Variants in MTG2 observed in about 807,000 individuals in gnomAD.
MTG2 encodes mitochondrial ribosome associated GTPase 2.
A neutral mutation model predicts 28.6 loss-of-function variants in MTG2; 23 were observed. The observed-to-expected ratio is 0.80, with a 90% CI of 0.58 to 1.14. MTG2 has a LOEUF of 1.14. Ranked by LOEUF, MTG2 falls within the 50% of genes most tolerant of loss-of-function variation. The probability of loss-of-function intolerance (pLI) is 0.00; values close to 1 mark genes in which losing one functional copy is unlikely to be tolerated. For missense variants in MTG2, 539 were observed against 552.0 expected, an observed-to-expected ratio of 0.98 and a Z score of 0.24; for synonymous variants, 260 against 251.8, an observed-to-expected ratio of 1.03 and a Z score of -0.31.
rs2058167222 is a variant in MTG2, at chr20:62,201,348, G to T, written c.*271G>T. ...GTGCTGATTAACACCCCTAATAAGG[G>T]GTTGGGGTGCCCATAACGGGGTGGC... On this transcript the variant is annotated 3_prime_UTR_variant, in exon 7 of 7. Transcript: ENST00000370823. 1 of 487,674 alleles carries T rather than the reference G, an allele frequency of 2.1e-6. No homozygotes were observed. The highest frequency in any genetic ancestry group is 1.9e-5 in the African/African-American group (1 of 51,420). 30.2% of individuals were successfully genotyped at this position (487,674 alleles called of 1,614,324 possible).
At chr20:62,187,046 C>T (rs1315373786) in intron 1 of MTG2, among the ~76,000 whole-genome samples, 2 of 152,184 alleles carry the variant, frequency 1.3e-5, no homozygotes, top group African/African-American at 4.8e-5. Context: ...GTGCCCTTAT[C>T]AGGGCGAAGA....
Position 62,201,300 on chromosome 20 carries a change from A to C in MTG2, c.*223A>C. 1.7e-6 allele frequency: 1 copy of C among 590,260 alleles called. No individual in the cohort carries two copies. The highest frequency in any genetic ancestry group is 4.5e-4 in the Middle Eastern group (1 of 2,210). 36.6% of individuals were successfully genotyped at this position (590,260 alleles called of 1,614,324 possible). On this transcript the variant is annotated 3_prime_UTR_variant, in exon 7 of 7. Transcript: ENST00000370823. ...TTCCTGCACCTGTCAGCCTGCACCG[A>C]CTGATGAGCCAGTTGCTCATTTGTG... is the stretch of plus-strand genomic sequence containing the variant.
intron 3 of MTG2, chr20:62,197,193 T>TC (rs1422307043): frequency 6.6e-6 from 1 of 151,592 alleles, no homozygotes; most frequent in African/African-American, 2.4e-5. Flanking sequence ...GGTCAGGAGT[T>TC]CAAGACCAGC....
Position 62,200,772 on chromosome 20 carries a change from C to T in MTG2, c.916C>T (p.Leu306Phe). ...FLRHIERCRF[L>F]LFVVDLSQPE... ...CAGGCACATCGAGCGCTGCCGCTTT[C>T]TCTTGTTCGTGGTGGATCTTTCTCA... is the stretch of plus-strand genomic sequence containing the variant. The change falls in exon 7 of 7, where the codon CTC (leucine) becomes TTC (phenylalanine). Residue 306 changes from leucine (L) to phenylalanine (F), a missense_variant. Coordinates refer to ENST00000370823, the MANE Select transcript of MTG2 (RefSeq NM_015666.4). 1 of 1,613,866 alleles carries T rather than the reference C, an allele frequency of 6.2e-7. No individual in the cohort carries two copies. Among genetic ancestry groups the T allele is most frequent in the African/African-American group, 1.3e-5 (1 of 75,072 alleles).
At chr20:62,190,693 T>C (rs577073278) in intron 1 of MTG2, among the ~76,000 whole-genome samples, 1 of 152,356 alleles carries the variant, frequency 6.6e-6, no homozygotes, top group Admixed American at 6.5e-5. Flanking sequence ...AAGGACGCTC[T>C]TGGGAAACTG....
At chr20:62,189,819 C>T (rs1394468312) in intron 1 of MTG2, among the ~76,000 whole-genome samples, 1 of 152,112 alleles carries the variant, frequency 6.6e-6, no homozygotes, top group Admixed American at 6.5e-5. Flanking sequence ...CACACGCCAC[C>T]ATGCCCAGCT....
chr20:62,199,240 G>T lies in MTG2; in HGVS notation c.809G>T (p.Gly270Val), dbSNP rs148121446. Reference sequence around the variant, plus strand: ...CACGTCGGGATCGTCCACTACGAAGGCCACCTACAAATAGCAGGTAGAACT... The same window carrying T: ...CACGTCGGGATCGTCCACTACGAAGTCCACCTACAAATAGCAGGTAGAACT... ...KPHVGIVHYE[G>V]HLQIAVADIP... Residue 270 changes from glycine (G) to valine (V), a missense_variant, in exon 6 of 7, where the codon GGC (glycine) becomes GTC (valine). Transcript: ENST00000370823. 2.5e-6 allele frequency: 4 copies of T among 1,613,306 alleles called. No homozygotes were observed. In the African/African-American group the frequency reaches 5.3e-5, roughly 22 times the overall value.
At chr20:62,199,000 A>G (rs996579289) in intron 5 of MTG2, 119 bp from the exon 6 acceptor site, 31 of 1,552,062 alleles carry the variant, frequency 2.0e-5, no homozygotes, top group Middle Eastern at 1.7e-4. Flanking sequence ...GGTCGTGAGC[A>G]TGAGCCCTTG....
intron 1 of MTG2, among the ~76,000 whole-genome samples, chr20:62,192,245 C>T (rs1180690317): frequency 6.6e-6 from 1 of 152,172 alleles, no homozygotes; most frequent in Non-Finnish European, 1.5e-5. Flanking sequence ...TTCCTACGAC[C>T]CCTTCAGGTT....
Position 62,202,014 on chromosome 20 carries a change from A to G in MTG2, c.*937A>G, listed in dbSNP as rs2144279. On this transcript the variant is annotated 3_prime_UTR_variant, in exon 7 of 7. Transcript: ENST00000370823. ...GGGATTTAAAGAGAACCCTTGTGCT[A>G]CGCCAGGCAGTTACCGAGCCGAAGG... 0.58 allele frequency: 87,935 copies of G among 152,074 alleles called. 26,024 individuals are homozygous for G. The highest frequency in any genetic ancestry group is 0.88 in the East Asian group (4,550 of 5,158). The allele number at this position is 152,074 out of a possible 1,614,324, so 9.4% of individuals were successfully genotyped here.
At chr20:62,198,442 G>A (rs1386861453) in intron 4 of MTG2, among the ~76,000 whole-genome samples, 192 bp from the exon 5 acceptor site, 2 of 152,240 alleles carry the variant, frequency 1.3e-5, no homozygotes, top group African/African-American at 4.8e-5. Context: ...ACGCAGCCCC[G>A]TGAAAGCCCT....
intron 6 of MTG2, among the ~76,000 whole-genome samples, chr20:62,199,507 G>A (rs1043035416): frequency 1.3e-5 from 2 of 151,816 alleles, no homozygotes; most frequent in South Asian, 4.2e-4. Context: ...TTAGCTGGGT[G>A]TGGTGGCGGG....
At chr20:62,185,484 C>T (rs975372746) in intron 1 of MTG2, among the ~76,000 whole-genome samples, 2 of 151,514 alleles carry the variant, frequency 1.3e-5, no homozygotes, top group Admixed American at 6.6e-5. Context: ...TGTATGTACA[C>T]AAATTAGCTG....
rs201214722 is a variant in MTG2, at chr20:62,197,891, G to C, written c.392G>C (p.Arg131Pro). 3 of 1,614,174 alleles carry C rather than the reference G, an allele frequency of 1.9e-6. No individual in the cohort carries two copies. Among genetic ancestry groups the C allele is most frequent in the Non-Finnish European group, 8.5e-7 (1 of 1,180,030 alleles). Residue 131 changes from arginine to proline, a missense_variant, in exon 4 of 7, where the codon CGG (arginine) becomes CCG (proline). Coordinates refer to ENST00000370823, the MANE Select transcript of MTG2 (RefSeq NM_015666.4). Reference protein sequence around the residue: ...QVKSLSSVLSRYQGFSGEDGG... With the variant: ...QVKSLSSVLSPYQGFSGEDGG... ...AAGTCCCTGTCGTCGGTCCTGTCGC[G>C]GTACCAGGGTTTCAGTGGAGAAGAT...
chr20:62,197,915 A>G lies in MTG2; in HGVS notation c.416A>G (p.Asp139Gly), dbSNP rs937910468. The G allele has an allele frequency of 6.2e-7, 1 of 1,614,220 alleles. No homozygotes were observed. Among genetic ancestry groups the G allele is most frequent in the African/African-American group, 1.3e-5 (1 of 75,060 alleles). Reference protein sequence around the residue: ...LSRYQGFSGEDGGSKNCFGRS... With the variant: ...LSRYQGFSGEGGGSKNCFGRS... ...CGGTACCAGGGTTTCAGTGGAGAAG[A>G]TGGAGGGAGTAAAAACTGCTTCGGG... Residue 139 changes from aspartate (D) to glycine (G), a missense_variant, in exon 4 of 7, where the codon GAT becomes GGT. Physicochemically the swap from Asp to Gly is moderately conservative, Grantham distance 94. Transcript: ENST00000370823.
At chr20:62,196,158 T>TG (rs1284180838) in intron 3 of MTG2, among the ~76,000 whole-genome samples, 1 of 131,690 alleles carries the variant, frequency 7.6e-6, no homozygotes, top group African/African-American at 2.7e-5. Context: ...TTTGTTTGTT[T>TG]GTTTTTTTGT....
intron 4 of MTG2, chr20:62,198,361 G>T: frequency 1.8e-6 from 1 of 558,488 alleles, no homozygotes; most frequent in Non-Finnish European, 3.2e-6. Context: ...GTTTTTTCTG[G>T]TGCTTCAGTT....
intron 4 of MTG2, 124 bp from the exon 5 acceptor site, chr20:62,198,510 G>A (rs118129150): frequency 0.054 from 56,041 of 1,030,130 alleles, 1,924 homozygotes; most frequent in Admixed American, 0.11. Context: ...GAGTGGGGCG[G>A]GCAGCTGCCC....
At chr20:62,183,394 C>G (rs535957400) in intron 1 of MTG2, among the ~76,000 whole-genome samples, 16 of 152,324 alleles carry the variant, frequency 1.1e-4, no homozygotes, top group Admixed American at 7.2e-4. Flanking sequence ...GTGTGAGTTC[C>G]GAGTCAAGTT....
Sources: allele counts gnomAD v4.1 joint callset (sites outside exome capture counted in the v4.1 genomes callset), GRCh38; gene constraint gnomAD v4.1.1; transcripts MANE v1.5; gene names NCBI Gene and HGNC (gene_info 2026-07-23, HGNC 2026-07-21).